The following AAR2 variants were observed in gnomAD, a reference collection of about 807,000 sequenced individuals.
AAR2 encodes the protein AAR2 splicing factor, also known as protein AAR2 homolog.
AAR2 carries 31 observed loss-of-function variants against 26.9 expected under a neutral mutation model. That is an observed-to-expected ratio of 1.15 (90% CI 0.86 to 1.55). The LOEUF is 1.55. Ranked by LOEUF, AAR2 falls within the 40% of genes most tolerant of loss-of-function variation. The probability of loss-of-function intolerance (pLI) is 0.00; values close to 1 mark genes in which losing one functional copy is unlikely to be tolerated. For synonymous variants in AAR2, 188 were observed against 196.1 expected (o/e 0.96, Z 0.34); for missense variants, 430 against 491.3 (o/e 0.88, Z 1.18).
Position 36,244,823 on chromosome 20 carries a change from A to T in AAR2, c.884A>T (p.Tyr295Phe). ...GCCATGATGAAGCACCACACCCTCTACATCAACCTCATCTCCATCCTGTAC... is the reference window on the plus strand; with the variant it reads ...GCCATGATGAAGCACCACACCCTCTTCATCAACCTCATCTCCATCCTGTAC... ...EAAMMKHHTL[Y>F]INLISILYHQ... is the part of the protein sequence containing the mutation. Residue 295 changes from tyrosine (Y) to phenylalanine (F), a missense_variant, in exon 3 of 4, where the codon TAC (tyrosine) becomes TTC (phenylalanine). Physicochemically the swap from Tyr to Phe is conservative, Grantham distance 22. Coordinates refer to ENST00000320849, the MANE Select transcript of AAR2 (RefSeq NM_001271874.2). The T allele has an allele frequency of 6.2e-7, 1 of 1,614,092 alleles. No individual in the cohort carries two copies. The highest frequency in any genetic ancestry group is 1.1e-5 in the South Asian group (1 of 91,070).
Position 36,239,933 on chromosome 20 carries a change from T to G in AAR2, c.65T>G (p.Val22Gly). Residue 22 changes from valine (V) to glycine (G), a missense_variant, in exon 2 of 4, where the codon GTC becomes GGC. Val to Gly is a moderately radical substitution (Grantham distance 109, BLOSUM62 -3). Coordinates refer to ENST00000320849, the MANE Select transcript of AAR2 (RefSeq NM_001271874.2). ...CTCTTCTTTGAAGGGGCCACTGTGG[T>G]CATCCTGAACATGCCCAAGGGAACA... ...KRLFFEGATV[V>G]ILNMPKGTEF... 6.2e-7 allele frequency: 1 copy of G among 1,613,452 alleles called. No individual in the cohort carries two copies. Among genetic ancestry groups the G allele is most frequent in the South Asian group, 1.1e-5 (1 of 91,024 alleles).
chr20:36,255,089 A>T (rs1215032481), intron 3 of AAR2, among the ~76,000 whole-genome samples: 2 of 150,940 alleles, frequency 1.3e-5, no homozygotes, highest in Admixed American at 6.6e-5. Context: ...TACCACAATT[A>T]AAAAAAAAAT....
chr20:36,236,790 C>G (rs1182715268), intron 1 of AAR2: 4 of 152,290 alleles, frequency 2.6e-5, no homozygotes, highest in Non-Finnish European at 5.9e-5. Flanking sequence ...CCAGTAAGGT[C>G]TTTCCCCGAA....
intron 3 of AAR2, among the ~76,000 whole-genome samples, chr20:36,245,162 G>T (rs1279089888): frequency 1.3e-5 from 2 of 152,088 alleles, no homozygotes; most frequent in East Asian, 1.9e-4. Flanking sequence ...CTAACACTGG[G>T]GTACTTGGAT....
chr20:36,255,650 C>T lies in AAR2; in HGVS notation c.1060C>T (p.His354Tyr), dbSNP rs916619977. 2 of 1,614,194 alleles carry T rather than the reference C, an allele frequency of 1.2e-6. No homozygotes were observed. The highest frequency in any genetic ancestry group is 1.1e-5 in the South Asian group (1 of 91,082). The change falls in exon 4 of 4, where the codon CAC (histidine) becomes TAC (tyrosine). Residue 354 changes from histidine (H) to tyrosine (Y), a missense_variant. By Grantham distance (83) the His-to-Tyr change is moderately conservative (BLOSUM62 2). Transcript: ENST00000320849. ...LRKKAEKFQAHLTKKFRWDFA... is the reference protein window; with the variant it reads ...LRKKAEKFQAYLTKKFRWDFA... ...AAAGAAAGCTGAAAAGTTCCAAGCT[C>T]ACCTGACCAAGAAGTTCCGGTGGGA...
chr20:36,244,881 C>A lies in AAR2; in HGVS notation c.942C>A (p.Phe314Leu). Residue 314 changes from phenylalanine (F) to leucine (L), a missense_variant, in exon 3 of 4, where the codon TTC (phenylalanine) becomes TTA (leucine). Physicochemically the swap from Phe to Leu is conservative, Grantham distance 22. Transcript: ENST00000320849. ...HQLGEIPADFFVDIVSQDNFL... is the reference protein window; with the variant it reads ...HQLGEIPADFLVDIVSQDNFL... ...TTGGTGAGATCCCCGCTGACTTCTT[C>A]GTAGACATTGTCTCCCAAGACAACT... The A allele has an allele frequency of 3.1e-6, 5 of 1,614,172 alleles. No individual in the cohort carries two copies. The highest frequency in any genetic ancestry group is 4.2e-6 in the Non-Finnish European group (5 of 1,180,026).
At position 36,255,957 on chromosome 20, in the gene AAR2, C is replaced by G; in HGVS notation, c.*212C>G. On this transcript the variant is annotated 3_prime_UTR_variant, in exon 4 of 4. Coordinates refer to ENST00000320849, the MANE Select transcript of AAR2 (RefSeq NM_001271874.2). ...TCCTGAAGGCACATTTGTGGGTTCC[C>G]CATCAGCCAGGCCTTGGTGCTAACC... is the stretch of plus-strand genomic sequence containing the variant. 3.1e-6 allele frequency: 2 copies of G among 650,516 alleles called. No individual in the cohort carries two copies. Among genetic ancestry groups the G allele is most frequent in the East Asian group, 2.9e-5 (1 of 34,300 alleles). The allele number at this position is 650,516 out of a possible 1,614,324, so 40.3% of individuals were successfully genotyped here. A position where few individuals can be genotyped will look rare whatever the true frequency, so the allele number is the denominator to read the frequency against.
In AAR2 at chr20:36,240,137, G is replaced by C. The variant is rs375291820; in HGVS notation, c.269G>C (p.Arg90Pro). ...SLHQRGLTVL[R>P]WSTLREEVDL... The stretch of plus-strand genomic sequence containing the variant: ...CACCAGCGGGGGCTGACAGTGCTGC[G>C]CTGGAGCACACTCAGGGAAGAGGTA... Residue 90 changes from arginine to proline, a missense_variant, in exon 2 of 4, where the codon CGC (arginine) becomes CCC (proline). Transcript: ENST00000320849. 9.9e-6 allele frequency: 16 copies of C among 1,614,068 alleles called. No individual in the cohort carries two copies. In the African/African-American group the frequency reaches 2.1e-4, roughly 22 times the overall value.
intron 2 of AAR2, among the ~76,000 whole-genome samples, chr20:36,243,055 G>A (rs2064699729): frequency 6.6e-6 from 1 of 151,926 alleles, no homozygotes; most frequent in East Asian, 1.9e-4. Flanking sequence ...GTCTCCCTGT[G>A]TTGCCCAAGC....
At chr20:36,248,636 A>T (rs534610784) in intron 3 of AAR2, among the ~76,000 whole-genome samples, 1 of 152,234 alleles carries the variant, frequency 6.6e-6, no homozygotes, top group South Asian at 2.1e-4. Context: ...CATTTATGTC[A>T]TTTGGTGTTA....
chr20:36,243,127 A>G (rs775505726), intron 2 of AAR2, among the ~76,000 whole-genome samples: 1 of 152,168 alleles, frequency 6.6e-6, no homozygotes, highest in Non-Finnish European at 1.5e-5. Flanking sequence ...GGCTAGGACT[A>G]TCCCTGCCAC....
intron 3 of AAR2, among the ~76,000 whole-genome samples, chr20:36,252,355 G>A (rs889469933): frequency 3.9e-5 from 6 of 152,158 alleles, no homozygotes; most frequent in Admixed American, 1.3e-4. Context: ...GTCGGGCGCT[G>A]TGCCGAGAGT....
intron 3 of AAR2, among the ~76,000 whole-genome samples, chr20:36,248,009 C>T (rs1368735282): frequency 6.6e-6 from 1 of 152,212 alleles, no homozygotes; most frequent in Non-Finnish European, 1.5e-5. Flanking sequence ...ACTTCTTCAT[C>T]CTGCATAATT....
intron 3 of AAR2, among the ~76,000 whole-genome samples, 168 bp from the exon 4 acceptor site, chr20:36,255,410 G>A (rs1234898434): frequency 1.3e-5 from 2 of 152,248 alleles, no homozygotes; most frequent in Admixed American, 6.5e-5. Flanking sequence ...GCTGGGTTTG[G>A]ACCTTCTTTC....
intron 1 of AAR2, among the ~76,000 whole-genome samples, chr20:36,238,484 T>C (rs547702267): frequency 1.3e-5 from 2 of 152,220 alleles, no homozygotes; most frequent in African/African-American, 4.8e-5. Context: ...GGGCCAGGCA[T>C]GGTGGCTCAC....
At chr20:36,239,747 C>T in intron 1 of AAR2, 74 bp from the exon 2 acceptor site, 1 of 1,180,284 alleles carries the variant, frequency 8.5e-7, no homozygotes. Flanking sequence ...CAATATCTGG[C>T]ACATACAGAA....
intron 3 of AAR2, among the ~76,000 whole-genome samples, chr20:36,255,320 CA>C (rs1395489890): frequency 3.9e-5 from 6 of 152,234 alleles, no homozygotes; most frequent in Non-Finnish European, 5.9e-5. Context: ...TAGAACCCCC[CA>C]GGGGGTGGAG....
intron 2 of AAR2, among the ~76,000 whole-genome samples, chr20:36,243,297 A>G (rs2064702080): frequency 6.6e-6 from 1 of 152,272 alleles, no homozygotes; most frequent in South Asian, 2.1e-4. Context: ...CAGCTGAAGA[A>G]GCAAATCATT....
Position 36,239,813 on chromosome 20 carries a change from T to C in AAR2, c.-48-8T>C, listed in dbSNP as rs1480855369. 2.6e-6 allele frequency: 4 copies of C among 1,512,434 alleles called. No individual in the cohort carries two copies. Among genetic ancestry groups the C allele is most frequent in the African/African-American group, 1.4e-5 (1 of 71,648 alleles). The allele number at this position is 1,512,434 out of a possible 1,614,324, so 93.7% of individuals were successfully genotyped here. On this transcript the variant is annotated splice_region_variant and splice_polypyrimidine_tract_variant and intron_variant, in intron 1 of 3. Transcript: ENST00000320849. The stretch of plus-strand genomic sequence containing the variant: ...GTTCTGATTAACTCTGGTTTCTTTC[T>C]TTCTCAGCTGTTCATCAAAGAAAAA...
Sources: gnomAD v4.1 joint callset for allele counts (sites outside exome capture counted in the v4.1 genomes callset) on GRCh38, gnomAD v4.1.1 for gene constraint, MANE v1.5 for transcripts, NCBI Gene and HGNC (gene_info 2026-07-23, HGNC 2026-07-21) for gene names.